The following LRRC8D variants were observed in gnomAD, a reference collection of about 807,000 sequenced individuals.
LRRC8D encodes leucine rich repeat containing 8 VRAC subunit D.
In LRRC8D, 20 loss-of-function variants were observed where a neutral mutation model predicts 55.8. The observed-to-expected ratio is 0.36, with a 90% CI of 0.25 to 0.52. The LOEUF (loss-of-function observed/expected upper bound fraction) is 0.52, where lower values mean the gene tolerates loss of function less well. LRRC8D is among the 20% of genes least tolerant of loss of function. The pLI, the probability that LRRC8D is intolerant of heterozygous loss-of-function variation, is 0.93. For missense variants in LRRC8D, 651 were observed against 1,030.8 expected, an observed-to-expected ratio of 0.63 and a Z score of 5.05; for synonymous variants, 352 against 377.0, an observed-to-expected ratio of 0.93 and a Z score of 0.77.
At chr1:89,920,570 G>C (rs1290408529) in intron 2 of LRRC8D, among the ~76,000 whole-genome samples, 1 of 151,798 alleles carries the variant, frequency 6.6e-6, no homozygotes, top group South Asian at 2.1e-4. Context: ...TCTTTTAAGA[G>C]GGAGTGACAC....
chr1:89,821,036 C>A lies in LRRC8D; in HGVS notation c.-403C>A, dbSNP rs1390442636. The A allele has an allele frequency of 2.6e-5, 4 of 152,042 alleles. No individual in the cohort carries two copies. Among genetic ancestry groups the A allele is most frequent in the South Asian group, 1.8e-4 (1 of 5,492 alleles). The allele number at this position is 152,042 out of a possible 1,614,324, so 9.4% of individuals were successfully genotyped here. A position where few individuals can be genotyped will look rare whatever the true frequency, so the allele number is the denominator to read the frequency against. On this transcript the variant is annotated 5_prime_UTR_variant, in exon 1 of 3. Coordinates refer to ENST00000337338, the MANE Select transcript of LRRC8D (RefSeq NM_001134479.2). ...AGTCCATGTTACGCTTTGTCTAATT[C>A]CCCTCGTTACAGAGTCATGTGCTGC...
chr1:89,919,521 T>C (rs1663358349), intron 2 of LRRC8D, among the ~76,000 whole-genome samples: 1 of 152,074 alleles, frequency 6.6e-6, no homozygotes. Flanking sequence ...AAAAGGAAAA[T>C]GGTCAAGTTT....
intron 2 of LRRC8D, among the ~76,000 whole-genome samples, chr1:89,872,121 G>A (rs746519556): frequency 9.9e-5 from 15 of 152,142 alleles, no homozygotes; most frequent in Admixed American, 2.0e-4. Context: ...CGTCTGCAAC[G>A]TAAATGCAAG....
chr1:89,865,470 C>T (rs1405277230), intron 2 of LRRC8D, among the ~76,000 whole-genome samples: 1 of 151,064 alleles, frequency 6.6e-6, no homozygotes, highest in African/African-American at 2.4e-5. Flanking sequence ...TGCTTTTTTG[C>T]CAACACTAAA....
intron 2 of LRRC8D, among the ~76,000 whole-genome samples, chr1:89,846,422 G>A (rs1661282777): frequency 6.6e-6 from 1 of 151,966 alleles, no homozygotes; most frequent in African/African-American, 2.4e-5. Context: ...GAGGAAACAG[G>A]CTGATGAGAT....
At chr1:89,822,158 G>A (rs1281512604) in intron 1 of LRRC8D, 1 of 152,850 alleles carries the variant, frequency 6.5e-6, no homozygotes, top group Admixed American at 6.5e-5. Flanking sequence ...CAGTGAAGAA[G>A]AACTGCTGCA....
At chr1:89,823,281 T>C (rs1418303639) in intron 1 of LRRC8D, among the ~76,000 whole-genome samples, 2 of 152,178 alleles carry the variant, frequency 1.3e-5, no homozygotes, top group Non-Finnish European at 2.9e-5. Context: ...CCCTGCTGTG[T>C]TTTCCAGCAT....
At position 89,866,849 on chromosome 1, in the gene LRRC8D, C is replaced by T. The variant is rs778804352; in HGVS notation, c.-3+23067C>T. Among the ~76,000 whole-genome samples, 10 of 151,976 alleles carry T rather than the reference C, an allele frequency of 6.6e-5. No homozygotes were observed. In the East Asian group the frequency reaches 7.7e-4, roughly 12 times the overall value. ...GCAGGGCAGCAAGGAGAGTTAAGGG[C>T]GGCATGAGGATTTCAAGTGTATCAA... is the stretch of plus-strand genomic sequence containing the variant. On this transcript the variant is annotated intron_variant, in intron 2 of 2. Transcript: ENST00000337338.
At chr1:89,873,111 C>A (rs1005678342) in intron 2 of LRRC8D, among the ~76,000 whole-genome samples, 12 of 152,148 alleles carry the variant, frequency 7.9e-5, no homozygotes, top group African/African-American at 2.9e-4. Context: ...ACAGTGTGTA[C>A]AGGCTTCTGT....
intron 2 of LRRC8D, among the ~76,000 whole-genome samples, chr1:89,896,601 C>G (rs770850864): frequency 1.3e-5 from 2 of 152,106 alleles, no homozygotes; most frequent in African/African-American, 2.4e-5. Context: ...CAGGGTTTAC[C>G]ACCCCTGGAG....
At chr1:89,892,420 G>A (rs1021434197) in intron 2 of LRRC8D, among the ~76,000 whole-genome samples, 1 of 152,122 alleles carries the variant, frequency 6.6e-6, no homozygotes, top group African/African-American at 2.4e-5. Context: ...AACAGTGTGG[G>A]ATAAGGTAGG....
intron 1 of LRRC8D, among the ~76,000 whole-genome samples, chr1:89,825,458 G>C (rs181591716): frequency 9.8e-4 from 150 of 152,318 alleles, no homozygotes; most frequent in Admixed American, 4.2e-3. Context: ...CTAATGTTTT[G>C]TGCAAATCTG....
intron 2 of LRRC8D, among the ~76,000 whole-genome samples, chr1:89,898,023 T>C (rs1377960616): frequency 6.6e-6 from 1 of 152,176 alleles, no homozygotes; most frequent in African/African-American, 2.4e-5. Context: ...CCATACTCGC[T>C]CCTAAGCAGC....
rs1328662950 is a variant in LRRC8D at position 89,933,450 on chromosome 1, A to G, written c.382A>G (p.Lys128Glu). ...TDFALPNQEA[K>E]KEKKDPTGRK... is the part of the protein sequence containing the mutation. ...TTTCGCACTTCCAAATCAGGAGGCA[A>G]AGAAAGAGAAGAAAGATCCAACAGG... Residue 128 changes from lysine to glutamate, a missense_variant, in exon 3 of 3, where the codon AAG (lysine) becomes GAG (glutamate). Around this residue, in one of 5 missense-constraint regions of LRRC8D, gnomAD observed 118 missense variants for 138.0 expected, o/e 0.85. Coordinates refer to ENST00000337338, the MANE Select transcript of LRRC8D (RefSeq NM_001134479.2). The surrounding 1 kb of genome is among the most constrained non-coding windows in gnomAD (Gnocchi z 7.0). The G allele has an allele frequency of 6.2e-7, 1 of 1,614,156 alleles. No homozygotes were observed. The highest frequency in any genetic ancestry group is 2.2e-5 in the East Asian group (1 of 44,884).
intron 2 of LRRC8D, among the ~76,000 whole-genome samples, chr1:89,863,123 G>C (rs1435643712): frequency 6.6e-6 from 1 of 152,134 alleles, no homozygotes; most frequent in East Asian, 1.9e-4. Context: ...TTGACTTTGG[G>C]CAAGTTTTAT....
At chr1:89,850,060 G>A (rs1014600198) in intron 2 of LRRC8D, among the ~76,000 whole-genome samples, 2 of 151,982 alleles carry the variant, frequency 1.3e-5, no homozygotes, top group African/African-American at 4.8e-5. Flanking sequence ...TTTGAGATAC[G>A]AAGTATTAAC....
chr1:89,927,657 A>G (rs1209379239), intron 2 of LRRC8D, among the ~76,000 whole-genome samples: 1 of 152,218 alleles, frequency 6.6e-6, no homozygotes, highest in African/African-American at 2.4e-5. Flanking sequence ...CACACTCACC[A>G]GAAGTATTTG....
chr1:89,854,012 G>A (rs1432428869), intron 2 of LRRC8D, among the ~76,000 whole-genome samples: 1 of 152,144 alleles, frequency 6.6e-6, no homozygotes, highest in East Asian at 1.9e-4. Context: ...CATTAATGGA[G>A]TAAAGTTCCA....
intron 2 of LRRC8D, among the ~76,000 whole-genome samples, chr1:89,932,562 C>T (rs190911460): frequency 1.3e-5 from 2 of 152,298 alleles, no homozygotes; most frequent in East Asian, 3.9e-4. Context: ...GTTTTCATCC[C>T]TATTATACAG....
Sources: gnomAD v4.1 joint callset for allele counts (sites outside exome capture counted in the v4.1 genomes callset) on GRCh38, gnomAD v4.1.1 for gene constraint, gnomAD v4.1.1 regional missense constraint, Gnocchi (gnomAD v3.1) non-coding constraint, MANE v1.5 for transcripts, NCBI Gene and HGNC (gene_info 2026-07-23, HGNC 2026-07-21) for gene names.